MOCOS: variants seen among roughly 807,000 people sequenced by gnomAD.
MOCOS encodes the protein human molybdenum cofactor sulfurase.
Under a neutral mutation model 83.6 loss-of-function variants are expected in MOCOS, and 86 were observed. The ratio of observed to expected loss-of-function variants is 1.03; its 90% CI spans 0.86 to 1.23. MOCOS has a LOEUF of 1.23. MOCOS is among the 50% of genes most tolerant of loss of function. The probability of loss-of-function intolerance (pLI) is 0.00; values close to 1 mark genes in which losing one functional copy is unlikely to be tolerated. For missense variants in MOCOS, 1,120 were observed against 1,126.9 expected (o/e 0.99, Z 0.09); for synonymous variants, 445 against 434.7 (o/e 1.02, Z -0.29).
intron 9 of MOCOS, among the ~76,000 whole-genome samples, chr18:36,226,973 G>A (rs950800959): frequency 6.8e-6 from 1 of 147,796 alleles, no homozygotes; most frequent in African/African-American, 2.5e-5. Context: ...TGCAAACTCT[G>A]CCACCTAGGC....
chr18:36,232,473 A>G, intron 9 of MOCOS, among the ~76,000 whole-genome samples: 1 of 152,170 alleles, frequency 6.6e-6, no homozygotes, highest in East Asian at 1.9e-4. Context: ...TCAAATATTT[A>G]TCATTTCTTT....
At chr18:36,193,367 A>G (rs1335694096) in intron 1 of MOCOS, among the ~76,000 whole-genome samples, 1 of 146,706 alleles carries the variant, frequency 6.8e-6, no homozygotes, top group Non-Finnish European at 1.5e-5. Context: ...TTACAGAATG[A>G]GGACAGTGTG....
chr18:36,218,735 G>T lies in MOCOS; in HGVS notation c.1798-1320G>T, dbSNP rs924645498. 9.2e-5 allele frequency among the ~76,000 whole-genome samples: 14 copies of T among 151,656 alleles called. No individual in the cohort carries two copies. In the South Asian group the frequency reaches 2.9e-3, roughly 32 times the overall value. On this transcript the variant is annotated intron_variant, in intron 8 of 14. Transcript: ENST00000261326. The stretch of plus-strand genomic sequence containing the variant: ...GGGTCTTGCTATGTTGATCAGGCTG[G>T]TCTTGAACTCCTTGCCTCAAGTGAT...
intron 13 of MOCOS, among the ~76,000 whole-genome samples, chr18:36,262,177 T>G (rs1485178947): frequency 6.6e-6 from 1 of 150,914 alleles, no homozygotes; most frequent in Admixed American, 6.6e-5. Flanking sequence ...ATAGAAACGC[T>G]AATACAAGTA....
chr18:36,214,130 A>T (rs1006358126), intron 7 of MOCOS, among the ~76,000 whole-genome samples: 5 of 150,838 alleles, frequency 3.3e-5, no homozygotes, highest in African/African-American at 9.8e-5. Flanking sequence ...AATCCTAGCT[A>T]GTCAGGAGGC....
chr18:36,206,637 C>T lies in MOCOS; in HGVS notation c.1218+1361C>T, dbSNP rs188441964. Among the ~76,000 whole-genome samples the T allele has an allele frequency of 4.6e-5, 7 of 152,292 alleles. No homozygotes were observed. The East Asian group carries it at 1.4e-3, about 29-fold the overall frequency. On this transcript the variant is annotated intron_variant, in intron 6 of 14. Coordinates refer to ENST00000261326, the MANE Select transcript of MOCOS (RefSeq NM_017947.4). ...GTAGTTTCTCAATCTTCCCCTCCCC[C>T]CACCTTCTACCCTCAAGTAGGCCCC...
intron 13 of MOCOS, among the ~76,000 whole-genome samples, chr18:36,261,885 T>C (rs1003832110): frequency 6.6e-6 from 1 of 151,608 alleles, no homozygotes; most frequent in Non-Finnish European, 1.5e-5. Context: ...ATATACATTA[T>C]CAAATAGGTG....
chr18:36,188,807 A>G (rs1801689226), intron 1 of MOCOS, among the ~76,000 whole-genome samples: 1 of 143,692 alleles, frequency 7.0e-6, no homozygotes, highest in Non-Finnish European at 1.6e-5. Flanking sequence ...CTAAGTAGGG[A>G]GAGTCAGGAG....
intron 1 of MOCOS, among the ~76,000 whole-genome samples, chr18:36,187,949 G>C (rs1038604336): frequency 6.6e-6 from 1 of 152,222 alleles, no homozygotes; most frequent in East Asian, 1.9e-4. Context: ...CTCCGCGAGC[G>C]GGGCTTAGGA....
Position 36,207,035 on chromosome 18 carries a change from T to C in MOCOS, c.1218+1759T>C, listed in dbSNP as rs116350749. On this transcript the variant is annotated intron_variant, in intron 6 of 14. Coordinates refer to ENST00000261326, the MANE Select transcript of MOCOS (RefSeq NM_017947.4). ...AAGGAATTGGGATGGCTGGATTCAA[T>C]GGTAGCTCTGTTTGTTTGTTTGAGA... Among the ~76,000 whole-genome samples the C allele has an allele frequency of 1.6e-3, 238 of 152,332 alleles. 2 individuals are homozygous for C. Among genetic ancestry groups the C allele is most frequent in the African/African-American group, 5.4e-3 (224 of 41,574 alleles).
chr18:36,188,155 C>T (rs1378609611), intron 1 of MOCOS, among the ~76,000 whole-genome samples: 5 of 152,182 alleles, frequency 3.3e-5, no homozygotes, highest in African/African-American at 1.2e-4. Context: ...AGGCCAAGGC[C>T]TCTTGGCCGG....
intron 11 of MOCOS, among the ~76,000 whole-genome samples, chr18:36,253,593 G>A (rs1315581098): frequency 6.6e-6 from 1 of 151,934 alleles, no homozygotes; most frequent in East Asian, 1.9e-4. Context: ...TTGAACCCAG[G>A]AGGCAGAGGT....
Position 36,257,079 on chromosome 18 carries a change from A to G in MOCOS, c.2270+6A>G, listed in dbSNP as rs1276901908. 6.2e-7 allele frequency: 1 copy of G among 1,608,248 alleles called. No homozygotes were observed. Among genetic ancestry groups the G allele is most frequent in the Non-Finnish European group, 8.5e-7 (1 of 1,174,838 alleles). On this transcript the variant is annotated splice_donor_region_variant and intron_variant, in intron 12 of 14. Coordinates refer to ENST00000261326, the MANE Select transcript of MOCOS (RefSeq NM_017947.4). ...CACCGGCAACTAAACACCAGGTAAG[A>G]CCTCATACCTCGGGACTAGCAGACA...
At chr18:36,214,268 GAAA>G (rs58435154) in intron 7 of MOCOS, among the ~76,000 whole-genome samples, 12 of 134,938 alleles carry the variant, frequency 8.9e-5, no homozygotes, top group Non-Finnish European at 1.3e-4. Flanking sequence ...AAAAAGAAAA[GAAA>G]AAAAAGAAAA....
chr18:36,246,209 A>G (rs568596352), intron 9 of MOCOS, among the ~76,000 whole-genome samples: 1 of 152,288 alleles, frequency 6.6e-6, no homozygotes, highest in African/African-American at 2.4e-5. Flanking sequence ...TTGTTTTATC[A>G]TATTACCAGA....
intron 10 of MOCOS, among the ~76,000 whole-genome samples, chr18:36,250,174 T>C (rs687211): frequency 0.38 from 58,356 of 152,038 alleles, 11,404 homozygotes; most frequent in Admixed American, 0.46. Context: ...GTTAACTATA[T>C]AACACTTCAC....
chr18:36,201,165 A>G (rs889782835), intron 4 of MOCOS, among the ~76,000 whole-genome samples: 4 of 152,206 alleles, frequency 2.6e-5, no homozygotes, highest in Non-Finnish European at 5.9e-5. Flanking sequence ...CCTGGGGCAT[A>G]GACGGGAAGG....
chr18:36,191,410 G>C (rs947264606), intron 1 of MOCOS, among the ~76,000 whole-genome samples: 1 of 152,214 alleles, frequency 6.6e-6, no homozygotes, highest in East Asian at 1.9e-4. Context: ...CTCATGTCTT[G>C]TGTATCTTTC....
rs1463052455 is a variant in MOCOS, at chr18:36,220,107, TG to T, written c.1852del (p.Val618LeufsTer2). On this transcript the variant is annotated frameshift_variant, in exon 9 of 15. Coordinates refer to ENST00000261326, the MANE Select transcript of MOCOS (RefSeq NM_017947.4). LOFTEE classifies it high-confidence loss of function. ...NQGLLYDRSW[M>X]VVNHNGVCLS... is the part of the protein sequence containing the mutation. ...GGGCTGCTATATGACCGGAGCTGGA[TG>T]GTTGTGAATCACAATGGTGTTTGCC... The T allele has an allele frequency of 6.2e-7, 1 of 1,613,832 alleles. No homozygotes were observed. Among genetic ancestry groups the T allele is most frequent in the Non-Finnish European group, 8.5e-7 (1 of 1,180,020 alleles).
Sources: allele counts gnomAD v4.1 joint callset (sites outside exome capture counted in the v4.1 genomes callset), GRCh38; gene constraint gnomAD v4.1.1; transcripts MANE v1.5; gene names NCBI Gene and HGNC (gene_info 2026-07-23, HGNC 2026-07-21).